Variants in TSHZ2 observed in about 807,000 individuals in gnomAD.
TSHZ2 encodes the protein teashirt homolog 2.
Under a neutral mutation model 74.4 loss-of-function variants are expected in TSHZ2, and 21 were observed. The ratio of observed to expected loss-of-function variants is 0.28; its 90% confidence interval spans 0.20 to 0.41. The LOEUF is 0.41. Ranked by LOEUF, TSHZ2 falls within the 10% of genes least tolerant of loss-of-function variation. The pLI is 1.00. For missense variants in TSHZ2, 1,244 were observed against 1,293.5 expected, an observed-to-expected ratio of 0.96 and a Z score of 0.59; for synonymous variants, 540 against 515.3, an observed-to-expected ratio of 1.05 and a Z score of -0.65.
chr20:53,455,748 C>T (rs978384758), intron 2 of TSHZ2, among the ~76,000 whole-genome samples: 2 of 144,564 alleles, frequency 1.4e-5, no homozygotes, highest in Non-Finnish European at 3.0e-5. Flanking sequence ...GTGTGATGTT[C>T]CCCTTCCTGT....
At chr20:53,288,168 C>T (rs780456876) in intron 2 of TSHZ2, among the ~76,000 whole-genome samples, 1 of 152,082 alleles carries the variant, frequency 6.6e-6, no homozygotes, top group Admixed American at 6.5e-5. Context: ...CTTTGGGAGG[C>T]CAAGATGGGC....
At chr20:53,135,516 T>C (rs181303686) in intron 1 of TSHZ2, among the ~76,000 whole-genome samples, 2 of 152,346 alleles carry the variant, frequency 1.3e-5, no homozygotes, top group Admixed American at 1.3e-4. Flanking sequence ...GGTACATGGA[T>C]GCACTGCCGT....
intron 1 of TSHZ2, among the ~76,000 whole-genome samples, chr20:53,062,696 A>C (rs1277691666): frequency 6.6e-6 from 1 of 152,210 alleles, no homozygotes; most frequent in Non-Finnish European, 1.5e-5. Context: ...CGTACTCCAT[A>C]TCAGCAATAA....
At chr20:53,411,945 T>C (rs1469389612) in intron 2 of TSHZ2, among the ~76,000 whole-genome samples, 3 of 152,236 alleles carry the variant, frequency 2.0e-5, no homozygotes, top group African/African-American at 7.2e-5. Flanking sequence ...TAAATAAATG[T>C]TAAAACATGC....
At chr20:53,022,085 T>C (rs1000853340) in intron 1 of TSHZ2, among the ~76,000 whole-genome samples, 2 of 152,054 alleles carry the variant, frequency 1.3e-5, no homozygotes, top group African/African-American at 4.8e-5. Flanking sequence ...AGCTAAGAAG[T>C]GCTACTCTAA....
chr20:53,265,954 G>A (rs982074994), intron 2 of TSHZ2, among the ~76,000 whole-genome samples: 2 of 152,012 alleles, frequency 1.3e-5, no homozygotes, highest in African/African-American at 4.8e-5. Flanking sequence ...CTTCTTACAG[G>A]CACTGAGACT....
chr20:53,265,350 G>A (rs1990691682), intron 2 of TSHZ2, among the ~76,000 whole-genome samples: 1 of 152,152 alleles, frequency 6.6e-6, no homozygotes, highest in African/African-American at 2.4e-5. Flanking sequence ...GGAGAGACTG[G>A]CAAGCATGAG....
intron 1 of TSHZ2, among the ~76,000 whole-genome samples, chr20:53,003,623 A>T (rs1310210009): frequency 2.0e-5 from 3 of 152,310 alleles, no homozygotes; most frequent in African/African-American, 4.8e-5. Flanking sequence ...TGGCAGGCAG[A>T]GTGTTTTCAT....
intron 1 of TSHZ2, among the ~76,000 whole-genome samples, chr20:53,230,046 AGGGAGGGAGGGAG>A (rs2123667549): frequency 2.0e-5 from 1 of 50,766 alleles, no homozygotes; most frequent in South Asian, 7.6e-4. Context: ...GAAAGAAGGA[AGGGAGGGAGGGAG>A]GGGAGGGGGA....
intron 2 of TSHZ2, among the ~76,000 whole-genome samples, chr20:53,342,333 CTG>C (rs1375670568): frequency 1.5e-5 from 2 of 136,694 alleles, no homozygotes; most frequent in African/African-American, 5.5e-5. Context: ...ATGACCTTGA[CTG>C]TTTTAAGGCG....
intron 1 of TSHZ2, among the ~76,000 whole-genome samples, chr20:53,076,358 A>G (rs752506326): frequency 2.0e-5 from 3 of 152,238 alleles, no homozygotes; most frequent in Non-Finnish European, 4.4e-5. Context: ...GAGTCACCAA[A>G]GTGTGATTTA....
chr20:53,358,329 CTTT>C (rs57906027), intron 2 of TSHZ2, among the ~76,000 whole-genome samples: 128 of 67,050 alleles, frequency 1.9e-3, no homozygotes, highest in African/African-American at 5.3e-3. Flanking sequence ...TTCTGTGGTT[CTTT>C]TTTTTTTTTT....
Position 53,299,990 on chromosome 20 carries a change from G to A in TSHZ2, c.*8+43419G>A, listed in dbSNP as rs148520844. On this transcript the variant is annotated intron_variant, in intron 2 of 2. Coordinates refer to ENST00000371497, the MANE Select transcript of TSHZ2 (RefSeq NM_173485.6). ...AGGGTTTATCTTATTTACTTCCCTC[G>A]TGCTGTTCAGCTAATTCCCTGCCAG... Among the ~76,000 whole-genome samples the A allele has an allele frequency of 3.5e-4, 53 of 152,128 alleles. No homozygotes were observed. The East Asian group carries it at 6.2e-3, about 18-fold the overall frequency.
intron 2 of TSHZ2, among the ~76,000 whole-genome samples, chr20:53,328,590 T>C (rs563864726): frequency 4.6e-5 from 7 of 152,354 alleles, no homozygotes; most frequent in African/African-American, 1.7e-4. Context: ...ACAGAATCAG[T>C]AGCAAAGCAT....
chr20:53,190,440 C>T (rs980949705), intron 1 of TSHZ2, among the ~76,000 whole-genome samples: 3 of 151,744 alleles, frequency 2.0e-5, no homozygotes, highest in African/African-American at 7.3e-5. Flanking sequence ...TGATGCAGGG[C>T]GAGGGTGCCT....
chr20:53,294,218 T>A (rs1157452906), intron 2 of TSHZ2, among the ~76,000 whole-genome samples: 1 of 152,058 alleles, frequency 6.6e-6, no homozygotes, highest in African/African-American at 2.4e-5. Context: ...GGTACCTCCC[T>A]CAAAGGTTGT....
chr20:53,280,753 C>T (rs914220882), intron 2 of TSHZ2, among the ~76,000 whole-genome samples: 7 of 151,854 alleles, frequency 4.6e-5, no homozygotes, highest in African/African-American at 7.3e-5. Flanking sequence ...AGTACAGTGG[C>T]GCGATCTCAG....
At chr20:53,104,851 G>A (rs559116514) in intron 1 of TSHZ2, among the ~76,000 whole-genome samples, 3 of 152,122 alleles carry the variant, frequency 2.0e-5, no homozygotes, top group Admixed American at 6.5e-5. Context: ...AGCAATTACC[G>A]TTGCCCCATC....
intron 1 of TSHZ2, among the ~76,000 whole-genome samples, chr20:53,140,935 A>AAGCTTTG (rs1987383206): frequency 6.6e-6 from 1 of 152,198 alleles, no homozygotes; most frequent in South Asian, 2.1e-4. Flanking sequence ...ATCAAAAATG[A>AAGCTTTG]AGCTTTGTGT....
Sources: gnomAD v4.1 joint callset for allele counts (sites outside exome capture counted in the v4.1 genomes callset) on GRCh38, gnomAD v4.1.1 for gene constraint, MANE v1.5 for transcripts, NCBI Gene and HGNC (gene_info 2026-07-23, HGNC 2026-07-21) for gene names.